The following CCSER1 variants were observed in gnomAD, a reference collection of about 807,000 sequenced individuals.
CCSER1 encodes serine-rich coiled-coil domain-containing protein 1.
A neutral mutation model predicts 82.0 loss-of-function variants in CCSER1; 41 were observed. The ratio of observed to expected loss-of-function variants is 0.50; its 90% CI spans 0.39 to 0.65. The LOEUF is 0.65. Among genes scored for constraint, CCSER1 ranks in the 30% least tolerant of loss-of-function variants. The pLI, the probability that CCSER1 is intolerant of heterozygous loss-of-function variation, is 0.00. For synonymous variants in CCSER1, 414 were observed against 383.9 expected (o/e 1.08, Z -0.92); for missense variants, 1,119 against 1,064.2 (o/e 1.05, Z -0.72).
rs1734101961 is a variant in CCSER1 at position 91,182,214 on chromosome 4, A to G, written c.2217+96220A>G. 2.6e-5 allele frequency among the ~76,000 whole-genome samples: 4 copies of G among 152,222 alleles called. No individual in the cohort carries two copies. In the South Asian group the frequency reaches 8.3e-4, roughly 32 times the overall value. ...ATCCTTCTGGAATCTCTTCCTCAGC[A>G]TCTGGCTCATGATAAGTTTTCAGGT... On this transcript the variant is annotated intron_variant, in intron 10 of 10. Transcript: ENST00000509176.
rs556460613 is a variant in CCSER1 at position 91,263,518 on chromosome 4, A to G, written c.2217+177524A>G. Among the ~76,000 whole-genome samples, 39 of 152,106 alleles carry G rather than the reference A, an allele frequency of 2.6e-4. 1 individual carries two copies. The South Asian group carries it at 7.9e-3, about 31-fold the overall frequency. On this transcript the variant is annotated intron_variant, in intron 10 of 10. Coordinates refer to ENST00000509176, the MANE Select transcript of CCSER1 (RefSeq NM_001145065.2). ...AATTCAGAGGATGCTGAGTTCTATA[A>G]AATAACTGACCCACATTTTCCTAGC...
At chr4:90,523,850 A>G (rs1773427034) in intron 5 of CCSER1, among the ~76,000 whole-genome samples, 1 of 152,162 alleles carries the variant, frequency 6.6e-6, no homozygotes, top group African/African-American at 2.4e-5. Flanking sequence ...TGCCAGTAAT[A>G]ATAATTATAG....
chr4:91,596,308 T>C (rs1191043654), intron 10 of CCSER1, among the ~76,000 whole-genome samples: 1 of 152,104 alleles, frequency 6.6e-6, no homozygotes, highest in Non-Finnish European at 1.5e-5. Context: ...TGAAGTCTAC[T>C]CCTACCATTT....
At chr4:91,447,748 A>T (rs993540858) in intron 10 of CCSER1, among the ~76,000 whole-genome samples, 2 of 152,126 alleles carry the variant, frequency 1.3e-5, no homozygotes, top group African/African-American at 4.8e-5. Flanking sequence ...TTTTGAAATT[A>T]AGATTGCACT....
chr4:90,413,480 C>G (rs963663178), intron 4 of CCSER1, among the ~76,000 whole-genome samples: 1 of 152,042 alleles, frequency 6.6e-6, no homozygotes, highest in Non-Finnish European at 1.5e-5. Flanking sequence ...CATAAAAGAG[C>G]TCACATAGCC....
intron 8 of CCSER1, among the ~76,000 whole-genome samples, chr4:90,852,292 C>T (rs766718994): frequency 6.6e-6 from 1 of 152,136 alleles, no homozygotes; most frequent in Non-Finnish European, 1.5e-5. Flanking sequence ...AGTGCATTGG[C>T]GGAATTTACT....
At chr4:91,390,169 A>G (rs1751561112) in intron 10 of CCSER1, among the ~76,000 whole-genome samples, 1 of 151,960 alleles carries the variant, frequency 6.6e-6, no homozygotes, top group Admixed American at 6.6e-5. Context: ...GGTTTTTTGT[A>G]GATTTTTAAA....
intron 8 of CCSER1, among the ~76,000 whole-genome samples, chr4:90,856,711 C>T (rs1764503985): frequency 6.6e-6 from 1 of 152,110 alleles, no homozygotes; most frequent in Non-Finnish European, 1.5e-5. Context: ...TGCATTATTT[C>T]ATTTTCCACA....
intron 3 of CCSER1, among the ~76,000 whole-genome samples, chr4:90,322,817 G>A (rs796379886): frequency 6.6e-5 from 10 of 152,258 alleles, no homozygotes; most frequent in African/African-American, 2.4e-4. Flanking sequence ...AGCTGAGGGA[G>A]GGGTAATGTA....
chr4:90,359,894 T>TGC (rs1745025615), intron 3 of CCSER1, among the ~76,000 whole-genome samples: 1 of 78,626 alleles, frequency 1.3e-5, no homozygotes, highest in Non-Finnish European at 2.3e-5. Flanking sequence ...TATATGTGTG[T>TGC]GTGTATATAT....
chr4:90,271,850 ATATATATATATATT>A (rs1726461569), intron 1 of CCSER1, among the ~76,000 whole-genome samples: 1 of 23,138 alleles, frequency 4.3e-5, no homozygotes, highest in Non-Finnish European at 6.6e-5. Flanking sequence ...ATATATATAT[ATATATATATATATT>A]TTTTTTTTTT....
At chr4:91,461,333 C>T (rs1381368436) in intron 10 of CCSER1, among the ~76,000 whole-genome samples, 1 of 152,154 alleles carries the variant, frequency 6.6e-6, no homozygotes. Flanking sequence ...GAGGATATTA[C>T]TGATTGAATT....
At chr4:90,870,935 A>G (rs1766404294) in intron 8 of CCSER1, among the ~76,000 whole-genome samples, 1 of 150,242 alleles carries the variant, frequency 6.7e-6, no homozygotes, top group Admixed American at 6.6e-5. Flanking sequence ...GAATATCCTC[A>G]AAATATATTT....
At chr4:90,881,791 A>T (rs1721363749) in intron 8 of CCSER1, among the ~76,000 whole-genome samples, 1 of 152,166 alleles carries the variant, frequency 6.6e-6, no homozygotes, top group Non-Finnish European at 1.5e-5. Flanking sequence ...TCTCAAAAAG[A>T]AAAAGAAAAA....
chr4:91,272,188 A>G (rs1428148514), intron 10 of CCSER1, among the ~76,000 whole-genome samples: 1 of 152,196 alleles, frequency 6.6e-6, no homozygotes, highest in East Asian at 1.9e-4. Context: ...ACTGTTTTCC[A>G]TAGTGGTTGT....
intron 8 of CCSER1, among the ~76,000 whole-genome samples, chr4:90,902,844 ATG>A (rs1423713742): frequency 6.6e-6 from 1 of 151,644 alleles, no homozygotes; most frequent in African/African-American, 2.4e-5. Flanking sequence ...CAAGTGGGAT[ATG>A]GCAGGCAGAG....
At chr4:90,673,661 AG>A (rs779503727) in intron 6 of CCSER1, among the ~76,000 whole-genome samples, 9 of 152,010 alleles carry the variant, frequency 5.9e-5, no homozygotes, top group Admixed American at 2.0e-4. Flanking sequence ...TAGCAGGTAA[AG>A]AACACATCTG....
intron 5 of CCSER1, among the ~76,000 whole-genome samples, chr4:90,580,919 A>G (rs961629194): frequency 1.3e-5 from 2 of 152,200 alleles, no homozygotes; most frequent in African/African-American, 4.8e-5. Flanking sequence ...CCATGGGGAA[A>G]TTGAGTTTTG....
intron 8 of CCSER1, among the ~76,000 whole-genome samples, chr4:90,861,423 T>C (rs1482830393): frequency 6.6e-6 from 1 of 151,800 alleles, no homozygotes; most frequent in Non-Finnish European, 1.5e-5. Context: ...AACATGCAGC[T>C]ATAGGATTAT....
Sources: allele counts gnomAD v4.1 joint callset (sites outside exome capture counted in the v4.1 genomes callset), GRCh38; gene constraint gnomAD v4.1.1; transcripts MANE v1.5; gene names NCBI Gene and HGNC (gene_info 2026-07-23, HGNC 2026-07-21).